Variants in CNTNAP3B observed in about 807,000 individuals in gnomAD.
The protein encoded by CNTNAP3B is contactin associated protein family member 3B, also known as contactin-associated protein-like 3B.
A neutral mutation model predicts 108.9 loss-of-function variants in CNTNAP3B; 25 were observed. The observed-to-expected ratio is 0.23, with a 90% CI of 0.17 to 0.32. CNTNAP3B has a LOEUF of 0.32. Among genes scored for constraint, CNTNAP3B ranks in the 10% least tolerant of loss-of-function variants. The pLI is 1.00. For synonymous variants in CNTNAP3B, 103 were observed against 473.4 expected (o/e 0.22, Z 10.16); for missense variants, 252 against 1,210.4 (o/e 0.21, Z 11.75).
chr9:41,940,634 G>T (rs1299010865), intron 13 of CNTNAP3B, among the ~76,000 whole-genome samples: 1 of 152,250 alleles, frequency 6.6e-6, no homozygotes, highest in Non-Finnish European at 1.5e-5. Context: ...GGCTAACACG[G>T]TGAAACCCCG....
intron 9 of CNTNAP3B, among the ~76,000 whole-genome samples, chr9:41,973,126 T>A (rs2118274630): frequency 7.0e-6 from 1 of 143,044 alleles, no homozygotes; most frequent in South Asian, 2.3e-4. Context: ...TGTATTTTTT[T>A]TCAGTAGAGA....
intron 13 of CNTNAP3B, among the ~76,000 whole-genome samples, chr9:41,945,529 C>T (rs1241749067): frequency 1.3e-5 from 2 of 152,416 alleles, no homozygotes; most frequent in East Asian, 1.9e-4. Flanking sequence ...AAAAACCAAA[C>T]ACTGCATGTT....
Position 42,076,831 on chromosome 9 carries a change from G to C in CNTNAP3B, c.390+38C>G, listed in dbSNP as rs755040904. On this transcript the variant is annotated intron_variant, in intron 3 of 23. Transcript: ENST00000377561. ...AAAATTCTGTTTTTCTAATAGGTTT[G>C]CAGCAATAGGTAGCAATTATTGTTA... The C allele has an allele frequency of 1.0e-5, 16 of 1,530,878 alleles. 4 individuals are homozygous for C. In the African/African-American group the frequency reaches 2.1e-4, roughly 20 times the overall value. 94.8% of individuals were successfully genotyped at this position (1,530,878 alleles called of 1,614,324 possible).
rs146543546 is a variant in CNTNAP3B at position 42,018,448 on chromosome 9, T to C, written c.391-4923A>G. Among the ~76,000 whole-genome samples, 614 of 140,236 alleles carry C rather than the reference T, an allele frequency of 4.4e-3. 79 individuals carry two copies. Among genetic ancestry groups the C allele is most frequent in the African/African-American group, 0.017 (595 of 35,474 alleles). 92.0% of individuals were successfully genotyped at this position (140,236 alleles called of 152,430 possible). A position where few individuals can be genotyped will look rare whatever the true frequency, so the allele number is the denominator to read the frequency against. Reference sequence around the variant, plus strand: ...CTCATGGAAACCTTCACATCTGATGTCTAAACACAATAAATCAACAAAAAA... The same window carrying C: ...CTCATGGAAACCTTCACATCTGATGCCTAAACACAATAAATCAACAAAAAA... On this transcript the variant is annotated intron_variant, in intron 3 of 23. Transcript: ENST00000377561.
At chr9:41,939,400 C>T (rs1423185145) in intron 13 of CNTNAP3B, among the ~76,000 whole-genome samples, 6 of 152,426 alleles carry the variant, frequency 3.9e-5, no homozygotes, top group Non-Finnish European at 5.9e-5. Flanking sequence ...AACTTAGCTT[C>T]TACCTTACTG....
At chr9:41,922,246 A>C (rs910916645) in intron 17 of CNTNAP3B, among the ~76,000 whole-genome samples, 9 of 125,416 alleles carry the variant, frequency 7.2e-5, no homozygotes, top group East Asian at 2.2e-4. Flanking sequence ...TGGGTGGATC[A>C]TCAGGTCAAG....
In CNTNAP3B at chr9:42,093,385, T is replaced by C. The variant is rs191793943; in HGVS notation, c.196+11244A>G. ...ACAAAACAAATTAAAAAAAAACTAC[T>C]AATTATAATTTTTGCTTCAGCAGCA... is the stretch of plus-strand genomic sequence containing the variant. On this transcript the variant is annotated intron_variant, in intron 2 of 23. Transcript: ENST00000377561. 2.2e-4 allele frequency among the ~76,000 whole-genome samples: 21 copies of C among 95,770 alleles called. 7 individuals carry two copies. The highest frequency in any genetic ancestry group is 2.0e-3 in the Admixed American group (19 of 9,300). The allele number at this position is 95,770 out of a possible 152,430, so 62.8% of individuals were successfully genotyped here.
At chr9:42,125,862 C>T (rs1187778223) in intron 1 of CNTNAP3B, among the ~76,000 whole-genome samples, 1 of 127,378 alleles carries the variant, frequency 7.9e-6, no homozygotes, top group Non-Finnish European at 1.6e-5. Flanking sequence ...AAGTGATCCA[C>T]CCGCCTCAGC....
chr9:42,109,983 C>T lies in CNTNAP3B; in HGVS notation c.86-5244G>A, dbSNP rs1267625277. Among the ~76,000 whole-genome samples the T allele has an allele frequency of 5.8e-5, 8 of 138,800 alleles. 2 individuals are homozygous for T. The highest frequency in any genetic ancestry group is 2.3e-4 in the African/African-American group (8 of 34,924). The allele number at this position is 138,800 out of a possible 152,430, so 91.1% of individuals were successfully genotyped here. On this transcript the variant is annotated intron_variant, in intron 1 of 23. Coordinates refer to ENST00000377561, the MANE Select transcript of CNTNAP3B (RefSeq NM_001201380.3). Reference sequence around the variant, plus strand: ...GGCAACCACAGGAAGCCGGAAGAAACGAAGAATGCATGTCCCCCTAGAGCC... The same window carrying T: ...GGCAACCACAGGAAGCCGGAAGAAATGAAGAATGCATGTCCCCCTAGAGCC...
rs1280487115 is a variant in CNTNAP3B at position 42,104,708 on chromosome 9, C to G, written c.117G>C (p.Leu39Phe). Residue 39 changes from leucine (L) to phenylalanine (F), a missense_variant, in exon 2 of 24, where the codon TTG becomes TTC. Physicochemically the swap from Leu to Phe is conservative, Grantham distance 22 (BLOSUM62 0). Transcript: ENST00000377561. ...PDCDSPLASA[L>F]PRSSFSSSSE... ...AGGAGCTGCTGAAGGATGACCTAGG[C>G]AAGGCAGAGGCCAGTGGGGAATCAC... 1 of 1,123,124 alleles carries G rather than the reference C, an allele frequency of 8.9e-7. No individual in the cohort carries two copies. The highest frequency in any genetic ancestry group is 1.2e-6 in the Non-Finnish European group (1 of 833,128). The allele number at this position is 1,123,124 out of a possible 1,614,324, so 69.6% of individuals were successfully genotyped here. A position where few individuals can be genotyped will look rare whatever the true frequency, so the allele number is the denominator to read the frequency against.
In CNTNAP3B at chr9:42,094,493, A is replaced by G. The variant is rs1404699630; in HGVS notation, c.196+10136T>C. Among the ~76,000 whole-genome samples the G allele has an allele frequency of 5.4e-5, 7 of 129,108 alleles. 1 individual carries two copies. The highest frequency in any genetic ancestry group is 1.9e-4 in the African/African-American group (6 of 31,630). 84.7% of individuals were successfully genotyped at this position (129,108 alleles called of 152,430 possible). ...AACATAATGAGATCCCATCTTTACAAAAAATATAAATGTTCGCTGGGTGTT... is the reference window on the plus strand; with the variant it reads ...AACATAATGAGATCCCATCTTTACAGAAAATATAAATGTTCGCTGGGTGTT... On this transcript the variant is annotated intron_variant, in intron 2 of 23. Transcript: ENST00000377561.
chr9:42,113,874 T>C lies in CNTNAP3B; in HGVS notation c.86-9135A>G, dbSNP rs1274102200. 1.4e-5 allele frequency among the ~76,000 whole-genome samples: 2 copies of C among 139,308 alleles called. 1 individual carries two copies. The highest frequency in any genetic ancestry group is 3.1e-5 in the Non-Finnish European group (2 of 65,012). 91.4% of individuals were successfully genotyped at this position (139,308 alleles called of 152,430 possible). ...TTTTTCTTGATGCACTTATTTCACA[T>C]TGCATGCCTGTATCAAAACATCTCA... On this transcript the variant is annotated intron_variant, in intron 1 of 23. Coordinates refer to ENST00000377561, the MANE Select transcript of CNTNAP3B (RefSeq NM_001201380.3).
At chr9:42,063,661 CT>C (rs1201758365) in intron 3 of CNTNAP3B, among the ~76,000 whole-genome samples, 3 of 136,182 alleles carry the variant, frequency 2.2e-5, no homozygotes, top group Non-Finnish European at 4.7e-5. Flanking sequence ...TCCTTCCTTC[CT>C]GTCTTCCTTT....
At chr9:41,928,142 T>G (rs1381715936) in intron 15 of CNTNAP3B, among the ~76,000 whole-genome samples, 1 of 152,274 alleles carries the variant, frequency 6.6e-6, no homozygotes, top group Non-Finnish European at 1.5e-5. Flanking sequence ...AATCTGAGAT[T>G]TCACCCTACT....
Position 41,968,415 on chromosome 9 carries a change from G to A in CNTNAP3B, c.1649+1659C>T, listed in dbSNP as rs1825346293. ...ACTACCCTTCCCACGACTACAGAGT[G>A]TGGTTCTGGAGCTGGTGTTGAGATG... is the stretch of plus-strand genomic sequence containing the variant. On this transcript the variant is annotated intron_variant, in intron 10 of 23. Coordinates refer to ENST00000377561, the MANE Select transcript of CNTNAP3B (RefSeq NM_001201380.3). 1.4e-5 allele frequency among the ~76,000 whole-genome samples: 2 copies of A among 139,924 alleles called. 1 individual carries two copies. The highest frequency in any genetic ancestry group is 3.1e-5 in the Non-Finnish European group (2 of 65,102). The allele number at this position is 139,924 out of a possible 152,430, so 91.8% of individuals were successfully genotyped here.
intron 1 of CNTNAP3B, among the ~76,000 whole-genome samples, chr9:42,117,359 G>C (rs1828342320): frequency 7.5e-6 from 1 of 132,460 alleles, no homozygotes; most frequent in African/African-American, 3.1e-5. Flanking sequence ...CTAGAACTCA[G>C]GATTAAGAAA....
intron 1 of CNTNAP3B, among the ~76,000 whole-genome samples, chr9:42,117,779 G>A (rs1828352853): frequency 7.3e-6 from 1 of 137,150 alleles, no homozygotes; most frequent in Non-Finnish European, 1.6e-5. Context: ...TAGACCACTA[G>A]CAAGACTAAT....
intron 3 of CNTNAP3B, among the ~76,000 whole-genome samples, chr9:42,053,885 C>G (rs1324254649): frequency 1.4e-4 from 20 of 146,712 alleles, no homozygotes; most frequent in Non-Finnish European, 2.4e-4. Context: ...CCTTTCTTCA[C>G]AAGGTTTACC....
chr9:42,103,418 T>TAAAAA (rs1156658774), intron 2 of CNTNAP3B, among the ~76,000 whole-genome samples: 10 of 47,678 alleles, frequency 2.1e-4, no homozygotes, highest in Non-Finnish European at 2.6e-4. Flanking sequence ...AACAGGGAGT[T>TAAAAA]AAAAAAAAAA....
Sources: allele counts gnomAD v4.1 joint callset (sites outside exome capture counted in the v4.1 genomes callset), GRCh38; gene constraint gnomAD v4.1.1; transcripts MANE v1.5; gene names NCBI Gene and HGNC (gene_info 2026-07-23, HGNC 2026-07-21).